FERMT2: variants seen among roughly 807,000 people sequenced by gnomAD.
FERMT2 encodes FERM domain containing kindlin 2.
In FERMT2, 15 loss-of-function variants were observed where a neutral mutation model predicts 82.7. The ratio of observed to expected loss-of-function variants is 0.18; its 90% CI spans 0.12 to 0.28. The LOEUF (loss-of-function observed/expected upper bound fraction) is 0.28, where lower values mean the gene tolerates loss of function less well. Among genes scored for constraint, FERMT2 ranks in the 10% least tolerant of loss-of-function variants. FERMT2 has a pLI of 1.00. For missense variants in FERMT2, 645 were observed against 809.4 expected (o/e 0.80, Z 2.46); for synonymous variants, 274 against 271.5 (o/e 1.01, Z -0.09).
chr14:52,864,250 A>T (rs529361720), intron 12 of FERMT2, 151 bp downstream of exon 12: 2 of 594,700 alleles, frequency 3.4e-6, no homozygotes, highest in South Asian at 2.2e-5. Flanking sequence ...TCAGAGGTTC[A>T]GATTAGGGAT....
intron 2 of FERMT2, among the ~76,000 whole-genome samples, chr14:52,938,265 A>C (rs1192099003): frequency 6.6e-6 from 1 of 152,236 alleles, no homozygotes; most frequent in Non-Finnish European, 1.5e-5. Flanking sequence ...TACATAAATA[A>C]AATGAAAACA....
At chr14:52,861,227 A>G in intron 12 of FERMT2, 1 of 559,632 alleles carries the variant, frequency 1.8e-6, no homozygotes, top group South Asian at 2.6e-5. Flanking sequence ...AAAATGAGGA[A>G]GCAGCAATTA....
chr14:52,929,820 T>C (rs1889478761), intron 2 of FERMT2, among the ~76,000 whole-genome samples: 1 of 152,112 alleles, frequency 6.6e-6, no homozygotes, highest in African/African-American at 2.4e-5. Context: ...TTGTTGTTGG[T>C]GGGTGGGGGA....
At chr14:52,931,627 A>G (rs1476414484) in intron 2 of FERMT2, among the ~76,000 whole-genome samples, 1 of 152,236 alleles carries the variant, frequency 6.6e-6, no homozygotes, top group Non-Finnish European at 1.5e-5. Context: ...GGGAAGCTAG[A>G]AAGTTCCTAG....
intron 4 of FERMT2, among the ~76,000 whole-genome samples, chr14:52,884,766 C>A (rs1417819516): frequency 1.3e-5 from 2 of 151,712 alleles, no homozygotes; most frequent in Admixed American, 1.3e-4. Flanking sequence ...TTTGGGAGGC[C>A]GAGGCAGGCA....
At chr14:52,948,667 C>T in intron 2 of FERMT2, 1 of 437,042 alleles carries the variant, frequency 2.3e-6, no homozygotes, top group Non-Finnish European at 4.5e-6. Flanking sequence ...GCAGTTTATT[C>T]TCTATATTTC....
chr14:52,912,511 CTT>C (rs1252702778), intron 3 of FERMT2, among the ~76,000 whole-genome samples: 16 of 139,172 alleles, frequency 1.1e-4, no homozygotes, highest in Admixed American at 1.4e-4. Flanking sequence ...CAGATCACTA[CTT>C]TTTTTTTTTT....
At chr14:52,909,358 G>A (rs1235079360) in intron 3 of FERMT2, among the ~76,000 whole-genome samples, 2 of 152,164 alleles carry the variant, frequency 1.3e-5, no homozygotes, top group African/African-American at 4.8e-5. Context: ...GCTGAGGGGT[G>A]AGGAACTGAG....
chr14:52,913,689 T>A (rs552802740), intron 3 of FERMT2, among the ~76,000 whole-genome samples: 1 of 151,222 alleles, frequency 6.6e-6, no homozygotes, highest in Non-Finnish European at 1.5e-5. Context: ...ACAGTAGTAG[T>A]AGTAGTAGTA....
chr14:52,948,949 A>G (rs974915465), intron 2 of FERMT2, among the ~76,000 whole-genome samples: 2 of 152,216 alleles, frequency 1.3e-5, no homozygotes, highest in Non-Finnish European at 2.9e-5. Flanking sequence ...TTTCCTTCTT[A>G]AATAATCTCA....
In FERMT2 at chr14:52,863,355, G is replaced by T. The variant is rs577786128; in HGVS notation, c.1602+1046C>A. 4 of 152,250 alleles carry T rather than the reference G, an allele frequency of 2.6e-5. No individual in the cohort carries two copies. The South Asian group carries it at 8.3e-4, about 32-fold the overall frequency. The allele number at this position is 152,250 out of a possible 1,614,324, so 9.4% of individuals were successfully genotyped here. A position where few individuals can be genotyped will look rare whatever the true frequency, so the allele number is the denominator to read the frequency against. On this transcript the variant is annotated intron_variant, in intron 12 of 14. Transcript: ENST00000341590. ...CTGGGCATTTCATTGAGCCTTTTTA[G>T]TATGTTTTAAAATTATTCCTTAACA... is the stretch of plus-strand genomic sequence containing the variant.
rs3068969 is a variant in FERMT2, at chr14:52,892,456, G to GTTTTTTGTTTT, written c.526+836_526+837insAAAACAAAAAA. 3.0e-5 allele frequency among the ~76,000 whole-genome samples: 4 copies of GTTTTTTGTTTT among 133,382 alleles called. 2 individuals carry two copies. Among genetic ancestry groups the GTTTTTTGTTTT allele is most frequent in the Admixed American group, 1.5e-4 (2 of 13,264 alleles). 87.5% of individuals were successfully genotyped at this position (133,382 alleles called of 152,430 possible). On this transcript the variant is annotated intron_variant, in intron 4 of 14. Transcript: ENST00000341590. Reference sequence around the variant, plus strand: ...AGTACCCCGCCTGGTGCTGTTTTTTGTTTTTTTTTTTTTTTGAGATGGAGT... The same window carrying GTTTTTTGTTTT: ...AGTACCCCGCCTGGTGCTGTTTTTTGTTTTTTGTTTTTTTTTTTTTTTTTTTGAGATGGAGT...
chr14:52,885,014 T>A (rs1335810818), intron 4 of FERMT2, among the ~76,000 whole-genome samples: 2 of 144,432 alleles, frequency 1.4e-5, no homozygotes, highest in Non-Finnish European at 3.0e-5. Flanking sequence ...AAAATAAAAA[T>A]AAAAAAATAA....
At chr14:52,864,895 T>A in intron 10 of FERMT2, 42 bp from the exon 11 acceptor site, 1 of 1,153,408 alleles carries the variant, frequency 8.7e-7, no homozygotes, top group Non-Finnish European at 1.3e-6. Flanking sequence ...AATTTACTTT[T>A]AAGAAATCTC....
chr14:52,911,446 T>C (rs1205996403), intron 3 of FERMT2, among the ~76,000 whole-genome samples: 3 of 151,750 alleles, frequency 2.0e-5, no homozygotes, highest in Admixed American at 6.6e-5. Context: ...GGTCAGGAGA[T>C]TGATACCATC....
chr14:52,913,769 C>A (rs749247225), intron 3 of FERMT2, among the ~76,000 whole-genome samples: 5 of 151,304 alleles, frequency 3.3e-5, no homozygotes, highest in Non-Finnish European at 5.9e-5. Context: ...GCAGTGTTAG[C>A]GTAACAACCT....
chr14:52,899,639 T>C (rs1389360905), intron 3 of FERMT2, among the ~76,000 whole-genome samples: 2 of 152,206 alleles, frequency 1.3e-5, no homozygotes, highest in Non-Finnish European at 2.9e-5. Context: ...GTAGCAAGAA[T>C]GACTTATTTT....
intron 2 of FERMT2, among the ~76,000 whole-genome samples, chr14:52,930,278 A>G (rs1424274381): frequency 6.6e-6 from 1 of 152,178 alleles, no homozygotes; most frequent in Admixed American, 6.5e-5. Flanking sequence ...GACAATCTCT[A>G]TTGTGCAAAG....
intron 3 of FERMT2, among the ~76,000 whole-genome samples, chr14:52,912,830 C>A (rs148825365): frequency 5.3e-5 from 8 of 152,086 alleles, no homozygotes; most frequent in Non-Finnish European, 1.2e-4. Context: ...ACTTTCCATT[C>A]GATCCCAGTG....
Sources: gnomAD v4.1 joint callset for allele counts (sites outside exome capture counted in the v4.1 genomes callset) on GRCh38, gnomAD v4.1.1 for gene constraint, MANE v1.5 for transcripts, NCBI Gene and HGNC (gene_info 2026-07-23, HGNC 2026-07-21) for gene names.